The following ADCK1 variants were observed in gnomAD, a reference collection of about 807,000 sequenced individuals.
The protein encoded by ADCK1 is aarF domain containing kinase 1, also known as aarF domain-containing protein kinase 1.
ADCK1 carries 41 observed loss-of-function variants against 52.3 expected under a neutral mutation model. That is an observed-to-expected ratio of 0.78 (90% CI 0.61 to 1.02). ADCK1 has a LOEUF of 1.02. Among genes scored for constraint, ADCK1 ranks in the 50% least tolerant of loss-of-function variants. ADCK1 has a pLI of 0.00. For missense variants in ADCK1, 658 were observed against 679.5 expected, an observed-to-expected ratio of 0.97 and a Z score of 0.35; for synonymous variants, 250 against 274.6, an observed-to-expected ratio of 0.91 and a Z score of 0.89.
intron 1 of ADCK1, among the ~76,000 whole-genome samples, chr14:77,812,886 G>C (rs866896217): frequency 1.3e-5 from 2 of 152,032 alleles, no homozygotes; most frequent in South Asian, 4.1e-4. Context: ...CACCATGCCC[G>C]GCTGCATATT....
chr14:77,879,133 C>T (rs2082963820), intron 4 of ADCK1, among the ~76,000 whole-genome samples: 1 of 152,080 alleles, frequency 6.6e-6, no homozygotes, highest in South Asian at 2.1e-4. Flanking sequence ...GTTTCAGCTC[C>T]CCTGGATCAG....
intron 4 of ADCK1, among the ~76,000 whole-genome samples, chr14:77,876,593 T>G (rs1232448480): frequency 1.3e-5 from 2 of 152,226 alleles, no homozygotes; most frequent in Admixed American, 1.3e-4. Context: ...TCACAACTGG[T>G]TACCTCTGTA....
intron 7 of ADCK1, chr14:77,914,494 A>G (rs2083870822): frequency 3.0e-6 from 3 of 985,482 alleles, no homozygotes; most frequent in Non-Finnish European, 3.6e-6. Context: ...AGCAGCTACC[A>G]TGTGCAAGCA....
At chr14:77,841,294 C>G (rs1305999048) in intron 3 of ADCK1, among the ~76,000 whole-genome samples, 1 of 152,092 alleles carries the variant, frequency 6.6e-6, no homozygotes, top group Non-Finnish European at 1.5e-5. Context: ...GAGAGACTGG[C>G]ACAGGTCAAC....
intron 4 of ADCK1, among the ~76,000 whole-genome samples, chr14:77,866,281 T>C (rs2082658410): frequency 6.6e-6 from 1 of 152,216 alleles, no homozygotes; most frequent in Non-Finnish European, 1.5e-5. Flanking sequence ...ATTATTAATA[T>C]AATGGATCGC....
chr14:77,913,303 T>G (rs944320552), intron 7 of ADCK1, among the ~76,000 whole-genome samples: 1 of 152,166 alleles, frequency 6.6e-6, no homozygotes, highest in Non-Finnish European at 1.5e-5. Flanking sequence ...TTGCCAGAAG[T>G]GCCATCTGCG....
At chr14:77,886,724 T>C (rs903317406) in intron 4 of ADCK1, among the ~76,000 whole-genome samples, 2 of 151,922 alleles carry the variant, frequency 1.3e-5, no homozygotes, top group African/African-American at 4.8e-5. Context: ...AGGTCAGGAA[T>C]TTGAGACCCC....
At chr14:77,915,600 G>A (rs559356578) in intron 7 of ADCK1, among the ~76,000 whole-genome samples, 5 of 152,244 alleles carry the variant, frequency 3.3e-5, no homozygotes, top group East Asian at 1.9e-4. Context: ...ATGAGTTCAC[G>A]TCCTTTGTAG....
At position 77,822,356 on chromosome 14, in the gene ADCK1, C is replaced by A. The variant is rs17106400; in HGVS notation, c.136-79C>A. ...CCAGACATAGCAGCTGTGTCAGGGA[C>A]CTGTACTGCAAGGTTTGGGCAGAGT... On this transcript the variant is annotated intron_variant, in intron 2 of 10. Transcript: ENST00000238561. 9.3e-4 allele frequency: 1,063 copies of A among 1,136,936 alleles called. 9 individuals are homozygous for A. The African/African-American group carries it at 0.015, about 16-fold the overall frequency. 70.4% of individuals were successfully genotyped at this position (1,136,936 alleles called of 1,614,324 possible).
chr14:77,910,000 G>A (rs1338772210), intron 7 of ADCK1, among the ~76,000 whole-genome samples: 3 of 152,080 alleles, frequency 2.0e-5, no homozygotes, highest in Admixed American at 6.6e-5. Context: ...AGGAGGGGCC[G>A]CATCAAAGTG....
intron 7 of ADCK1, among the ~76,000 whole-genome samples, chr14:77,908,949 G>T (rs2083728641): frequency 6.6e-6 from 1 of 152,034 alleles, no homozygotes. Flanking sequence ...AAGGGAATGG[G>T]TGAAGTTTGG....
At chr14:77,884,539 C>T (rs896340246) in intron 4 of ADCK1, among the ~76,000 whole-genome samples, 5 of 152,100 alleles carry the variant, frequency 3.3e-5, no homozygotes, top group Admixed American at 2.6e-4. Flanking sequence ...TCCATCAGAG[C>T]CCCTTCAGTT....
intron 3 of ADCK1, among the ~76,000 whole-genome samples, chr14:77,857,031 C>T (rs951663022): frequency 7.9e-5 from 12 of 151,734 alleles, no homozygotes; most frequent in Non-Finnish European, 1.0e-4. Flanking sequence ...CAGGCCCCTG[C>T]AGGCCTAAGG....
intron 9 of ADCK1, among the ~76,000 whole-genome samples, chr14:77,927,225 G>A (rs1042131548): frequency 6.6e-6 from 1 of 152,112 alleles, no homozygotes; most frequent in Non-Finnish European, 1.5e-5. Flanking sequence ...CCCATCTCTC[G>A]GCTCCGCTTT....
intron 3 of ADCK1, among the ~76,000 whole-genome samples, chr14:77,831,974 G>A (rs1416181677): frequency 6.6e-6 from 1 of 150,400 alleles, no homozygotes; most frequent in African/African-American, 2.4e-5. Flanking sequence ...TAAAGGTGAT[G>A]TGATGGCTTT....
intron 6 of ADCK1, among the ~76,000 whole-genome samples, chr14:77,906,410 C>T (rs1288891312): frequency 6.6e-6 from 1 of 152,200 alleles, no homozygotes; most frequent in Non-Finnish European, 1.5e-5. Context: ...GCTCACATGG[C>T]AGCCTGGTTG....
intron 1 of ADCK1, among the ~76,000 whole-genome samples, chr14:77,808,484 G>A (rs2081274270): frequency 6.6e-6 from 1 of 152,198 alleles, no homozygotes. Flanking sequence ...ACTGTCAAGG[G>A]TTTAACATGC....
chr14:77,828,164 A>G (rs1482208521), intron 3 of ADCK1, among the ~76,000 whole-genome samples: 1 of 152,048 alleles, frequency 6.6e-6, no homozygotes, highest in Non-Finnish European at 1.5e-5. Context: ...GGGTTTCACC[A>G]TGTTGGCCAG....
intron 6 of ADCK1, among the ~76,000 whole-genome samples, chr14:77,900,041 G>A (rs967000542): frequency 6.8e-6 from 1 of 146,964 alleles, no homozygotes; most frequent in Non-Finnish European, 1.5e-5. Flanking sequence ...CTGCATTCAG[G>A]TCTGGGCAAC....
Sources: allele counts gnomAD v4.1 joint callset (sites outside exome capture counted in the v4.1 genomes callset), GRCh38; gene constraint gnomAD v4.1.1; transcripts MANE v1.5; gene names NCBI Gene and HGNC (gene_info 2026-07-23, HGNC 2026-07-21).